Variants in TLN2 observed in about 807,000 individuals in gnomAD.
TLN2 encodes talin 2.
A neutral mutation model predicts 294.7 loss-of-function variants in TLN2; 118 were observed. That is an observed-to-expected ratio of 0.40 (90% CI 0.34 to 0.47). The LOEUF (loss-of-function observed/expected upper bound fraction) is 0.47. TLN2 is among the 20% of genes least tolerant of loss of function. TLN2 has a pLI of 0.84. For synonymous variants in TLN2, 1,431 were observed against 1,304.5 expected (o/e 1.10, Z -2.09); for missense variants, 3,083 against 3,282.2 (o/e 0.94, Z 1.48).
chr15:62,755,136 AT>A (rs1322439557), intron 36 of TLN2: 1 of 158,424 alleles, frequency 6.3e-6, no homozygotes, highest in African/African-American at 2.4e-5. Flanking sequence ...AAATTATTTC[AT>A]TAATTTCTCT....
chr15:62,536,647 G>A (rs2041368536), intron 1 of TLN2, among the ~76,000 whole-genome samples: 1 of 152,022 alleles, frequency 6.6e-6, no homozygotes, highest in African/African-American at 2.4e-5. Flanking sequence ...TCTGTGCGAT[G>A]TGATATCATC....
At chr15:62,708,048 A>G (rs4775529) in intron 20 of TLN2, among the ~76,000 whole-genome samples, 130,204 of 151,904 alleles carry the variant, frequency 0.86, 57,782 homozygotes, top group Non-Finnish European at 0.97. Flanking sequence ...TTTACAAGGA[A>G]CTGACAGAAC....
At chr15:62,771,643 C>G (rs2063355768) in intron 42 of TLN2, among the ~76,000 whole-genome samples, 1 of 152,234 alleles carries the variant, frequency 6.6e-6, no homozygotes, top group African/African-American at 2.4e-5. Flanking sequence ...CTTTGCACCA[C>G]ATTTTACCCT....
chr15:62,418,247 T>G (rs892154376), intron 1 of TLN2, among the ~76,000 whole-genome samples: 1 of 152,196 alleles, frequency 6.6e-6, no homozygotes, highest in African/African-American at 2.4e-5. Flanking sequence ...TGGTGAGTCC[T>G]CCTCTCTCCC....
chr15:62,625,810 C>T (rs992492714), intron 3 of TLN2, among the ~76,000 whole-genome samples: 10 of 152,088 alleles, frequency 6.6e-5, no homozygotes, highest in African/African-American at 1.7e-4. Context: ...CTGGTGATGT[C>T]GTTTCGCTGG....
At chr15:62,573,963 A>G (rs2044158759) in intron 1 of TLN2, among the ~76,000 whole-genome samples, 1 of 152,076 alleles carries the variant, frequency 6.6e-6, no homozygotes, top group Admixed American at 6.5e-5. Flanking sequence ...ACATGCCTTC[A>G]ACTTTGAGTC....
intron 12 of TLN2, among the ~76,000 whole-genome samples, chr15:62,687,155 CCT>C (rs1177225884): frequency 6.6e-6 from 1 of 152,264 alleles, no homozygotes; most frequent in East Asian, 1.9e-4. Flanking sequence ...ACAAAGGCCC[CCT>C]CTCTGTTTTA....
At chr15:62,688,160 T>G (rs543783099) in intron 12 of TLN2, among the ~76,000 whole-genome samples, 18 of 152,312 alleles carry the variant, frequency 1.2e-4, no homozygotes, top group African/African-American at 4.3e-4. Context: ...AAAAAATGAA[T>G]AGTTATGATA....
chr15:62,764,243 A>G (rs2062853274), intron 40 of TLN2, among the ~76,000 whole-genome samples: 2 of 152,200 alleles, frequency 1.3e-5, no homozygotes, highest in Admixed American at 1.3e-4. Context: ...TCCAAAGTTT[A>G]AAATGGAATT....
intron 54 of TLN2, among the ~76,000 whole-genome samples, chr15:62,826,056 T>C (rs528003313): frequency 8.7e-4 from 131 of 149,980 alleles, no homozygotes; most frequent in Non-Finnish European, 1.3e-3. Flanking sequence ...AAAGCAAGTA[T>C]GGGAGACTCC....
At chr15:62,532,053 C>CTT (rs68187150) in intron 1 of TLN2, among the ~76,000 whole-genome samples, 186 of 144,802 alleles carry the variant, frequency 1.3e-3, no homozygotes, top group South Asian at 0.013. Flanking sequence ...TTTCTCTTTT[C>CTT]TTTTTTTTTT....
At chr15:62,603,267 C>G (rs928692275) in intron 2 of TLN2, among the ~76,000 whole-genome samples, 3 of 152,048 alleles carry the variant, frequency 2.0e-5, no homozygotes, top group African/African-American at 7.2e-5. Context: ...GAAAAAATTA[C>G]GGTTTATCGT....
chr15:62,504,727 TTTA>T, intron 1 of TLN2, among the ~76,000 whole-genome samples: 1 of 152,094 alleles, frequency 6.6e-6, no homozygotes. Context: ...CATTAGGCTA[TTTA>T]TTTATTGTTG....
chr15:62,527,256 C>T (rs2040793676), intron 1 of TLN2, among the ~76,000 whole-genome samples: 1 of 152,088 alleles, frequency 6.6e-6, no homozygotes, highest in East Asian at 1.9e-4. Flanking sequence ...TGATGATGAG[C>T]GAGATTTGGC....
chr15:62,462,652 A>T (rs1478650050), intron 1 of TLN2, among the ~76,000 whole-genome samples: 1 of 152,128 alleles, frequency 6.6e-6, no homozygotes, highest in Non-Finnish European at 1.5e-5. Flanking sequence ...CTATAGGCTG[A>T]ATAATGAGAG....
chr15:62,772,148 G>C (rs560045040), intron 42 of TLN2, among the ~76,000 whole-genome samples: 1 of 151,916 alleles, frequency 6.6e-6, no homozygotes, highest in Admixed American at 6.6e-5. Flanking sequence ...AGAGGTGGGG[G>C]GTCTCACTAT....
intron 9 of TLN2, among the ~76,000 whole-genome samples, chr15:62,665,505 G>A (rs1284994265): frequency 6.6e-6 from 1 of 152,158 alleles, no homozygotes; most frequent in Admixed American, 6.5e-5. Flanking sequence ...TGCGTGTTAC[G>A]TGAAGAAATT....
intron 1 of TLN2, among the ~76,000 whole-genome samples, chr15:62,552,067 G>A (rs933836337): frequency 1.3e-4 from 20 of 152,092 alleles, no homozygotes; most frequent in Non-Finnish European, 2.6e-4. Context: ...TTGTTGTCGT[G>A]GGCTGTCTTG....
At chr15:62,729,456 T>A (rs192566877) in intron 28 of TLN2, among the ~76,000 whole-genome samples, 197 of 152,214 alleles carry the variant, frequency 1.3e-3, no homozygotes, top group African/African-American at 4.7e-3. Flanking sequence ...TGGGGAGAAT[T>A]GACTTCTTTA....
Sources: gnomAD v4.1 joint callset for allele counts (sites outside exome capture counted in the v4.1 genomes callset) on GRCh38, gnomAD v4.1.1 for gene constraint, MANE v1.5 for transcripts, NCBI Gene and HGNC (gene_info 2026-07-23, HGNC 2026-07-21) for gene names.